Variants in STPG2 observed in about 807,000 individuals in gnomAD.
STPG2 encodes sperm-tail PG-rich repeat-containing protein 2.
In STPG2, 56 loss-of-function variants were observed where a neutral mutation model predicts 54.2. That is an observed-to-expected ratio of 1.03 (90% CI 0.83 to 1.29). The LOEUF is 1.29. Ranked by LOEUF, STPG2 falls within the 50% of genes most tolerant of loss-of-function variation. STPG2 has a pLI of 0.00. For synonymous variants in STPG2, 200 were observed against 181.8 expected, an observed-to-expected ratio of 1.10 and a Z score of -0.81; for missense variants, 596 against 544.9, an observed-to-expected ratio of 1.09 and a Z score of -0.93.
intron 8 of STPG2, among the ~76,000 whole-genome samples, chr4:97,890,928 C>G (rs548592706): frequency 6.6e-6 from 1 of 151,522 alleles, no homozygotes. Context: ...TCAAAATTCA[C>G]GTTTTTCATA....
At chr4:97,889,431 C>T (rs779111295) in intron 8 of STPG2, among the ~76,000 whole-genome samples, 1 of 152,078 alleles carries the variant, frequency 6.6e-6, no homozygotes, top group Non-Finnish European at 1.5e-5. Flanking sequence ...TATCTATCAG[C>T]AGATGAACAG....
chr4:97,933,673 T>C (rs767182346), intron 8 of STPG2, among the ~76,000 whole-genome samples: 1 of 152,194 alleles, frequency 6.6e-6, no homozygotes, highest in Non-Finnish European at 1.5e-5. Context: ...CAGATGGTTG[T>C]AGATATGTGG....
At chr4:97,461,431 G>A (rs1314765869) in intron 4 of STPG2, among the ~76,000 whole-genome samples, 1 of 152,316 alleles carries the variant, frequency 6.6e-6, no homozygotes, top group African/African-American at 2.4e-5. Flanking sequence ...CACGATGGTT[G>A]AGCCCTCATG....
chr4:97,955,644 T>A (rs1423400534), intron 7 of STPG2, among the ~76,000 whole-genome samples: 1 of 152,086 alleles, frequency 6.6e-6, no homozygotes, highest in Non-Finnish European at 1.5e-5. Context: ...CAAGAATTAT[T>A]TAAAACCGAT....
intron 10 of STPG2, among the ~76,000 whole-genome samples, chr4:97,565,323 T>G (rs532067592): frequency 6.6e-6 from 1 of 152,304 alleles, no homozygotes; most frequent in South Asian, 2.1e-4. Context: ...GTTATTATAG[T>G]TATACATTCA....
chr4:97,762,830 C>T (rs1470797764), intron 9 of STPG2, among the ~76,000 whole-genome samples: 1 of 152,002 alleles, frequency 6.6e-6, no homozygotes, highest in Non-Finnish European at 1.5e-5. Flanking sequence ...AATTATATGG[C>T]TAAAAAAGAG....
chr4:97,859,973 G>A (rs1729464883), intron 8 of STPG2, among the ~76,000 whole-genome samples: 1 of 152,148 alleles, frequency 6.6e-6, no homozygotes, highest in Non-Finnish European at 1.5e-5. Context: ...ATCATTTGTT[G>A]AGCAGGGTTC....
intron 4 of STPG2, among the ~76,000 whole-genome samples, chr4:97,527,968 T>A (rs1731321468): frequency 6.6e-6 from 1 of 152,194 alleles, no homozygotes; most frequent in Non-Finnish European, 1.5e-5. Flanking sequence ...ACTCTGATGC[T>A]AGTTTCTTTT....
At chr4:97,817,543 CT>C (rs1324938622) in intron 9 of STPG2, among the ~76,000 whole-genome samples, 1 of 151,956 alleles carries the variant, frequency 6.6e-6, no homozygotes, top group African/African-American at 2.4e-5. Context: ...TCATTATAGT[CT>C]ATCACAGTTT....
At chr4:97,551,024 G>C (rs114723987) in intron 4 of STPG2, among the ~76,000 whole-genome samples, 1 of 144,262 alleles carries the variant, frequency 6.9e-6, no homozygotes, top group South Asian at 2.1e-4. Flanking sequence ...GACCCCATTG[G>C]GTTGCCGCTG....
chr4:97,921,771 C>T (rs895756191), intron 8 of STPG2, among the ~76,000 whole-genome samples: 1 of 151,964 alleles, frequency 6.6e-6, no homozygotes, highest in Non-Finnish European at 1.5e-5. Context: ...ACATCCAGAT[C>T]GACAAGGCTA....
intron 4 of STPG2, among the ~76,000 whole-genome samples, chr4:97,548,885 TA>T (rs1191890061): frequency 1.3e-5 from 2 of 150,666 alleles, no homozygotes; most frequent in Non-Finnish European, 3.0e-5. Flanking sequence ...AATTTTATTT[TA>T]AAATATCCAT....
chr4:97,637,274 C>T (rs1721581992), intron 10 of STPG2, among the ~76,000 whole-genome samples: 1 of 152,224 alleles, frequency 6.6e-6, no homozygotes, highest in Non-Finnish European at 1.5e-5. Context: ...CAGAAAAGGC[C>T]TTTGACAAAA....
chr4:97,708,404 T>C (rs1387603518), intron 10 of STPG2, among the ~76,000 whole-genome samples: 1 of 151,752 alleles, frequency 6.6e-6, no homozygotes, highest in Non-Finnish European at 1.5e-5. Context: ...TCCAAACCAA[T>C]GAAGTAAAGG....
chr4:97,984,554 C>G (rs915135380), intron 5 of STPG2, among the ~76,000 whole-genome samples: 1 of 152,120 alleles, frequency 6.6e-6, no homozygotes, highest in Non-Finnish European at 1.5e-5. Flanking sequence ...CTTTTTTTCC[C>G]TTCAGTGTAG....
At chr4:97,898,629 T>C (rs1188614530) in intron 8 of STPG2, among the ~76,000 whole-genome samples, 4 of 151,738 alleles carry the variant, frequency 2.6e-5, no homozygotes, top group Admixed American at 6.6e-5. Flanking sequence ...TTGTCTAACA[T>C]AATCTCCATG....
chr4:97,821,893 G>T (rs1174174619), intron 9 of STPG2, among the ~76,000 whole-genome samples: 1 of 152,168 alleles, frequency 6.6e-6, no homozygotes, highest in Admixed American at 6.5e-5. Context: ...AAGAAGAGCT[G>T]CCAAAAAGAT....
chr4:97,993,340 T>C (rs186329082), intron 5 of STPG2, among the ~76,000 whole-genome samples: 6 of 152,228 alleles, frequency 3.9e-5, no homozygotes, highest in Admixed American at 3.9e-4. Flanking sequence ...ATTGAGATGA[T>C]CAAGTGATTT....
chr4:97,716,967 A>G (rs955612969), intron 9 of STPG2, among the ~76,000 whole-genome samples: 12 of 152,204 alleles, frequency 7.9e-5, no homozygotes, highest in African/African-American at 2.9e-4. Flanking sequence ...TTATACATTT[A>G]TGGAACACAT....
Sources: gnomAD v4.1 joint callset for allele counts (sites outside exome capture counted in the v4.1 genomes callset) on GRCh38, gnomAD v4.1.1 for gene constraint, MANE v1.5 for transcripts, NCBI Gene and HGNC (gene_info 2026-07-23, HGNC 2026-07-21) for gene names.